The following RAP1GAP2 variants were observed in gnomAD, a reference collection of about 807,000 sequenced individuals.
RAP1GAP2 encodes the protein rap1 GTPase-activating protein 2.
A neutral mutation model predicts 95.0 loss-of-function variants in RAP1GAP2; 27 were observed. The ratio of observed to expected loss-of-function variants is 0.28; its 90% CI spans 0.21 to 0.39. RAP1GAP2 has a LOEUF of 0.39. RAP1GAP2 is among the 10% of genes least tolerant of loss of function. The pLI, the probability that RAP1GAP2 is intolerant of heterozygous loss-of-function variation, is 1.00. For missense variants in RAP1GAP2, 771 were observed against 970.0 expected (o/e 0.79, Z 2.72); for synonymous variants, 373 against 380.9 (o/e 0.98, Z 0.24).
At chr17:3,016,602 A>G (rs898803954) in intron 17 of RAP1GAP2, among the ~76,000 whole-genome samples, 1 of 152,210 alleles carries the variant, frequency 6.6e-6, no homozygotes, top group Non-Finnish European at 1.5e-5. Flanking sequence ...TGTCCTACAC[A>G]TCTCGACTTT....
intron 2 of RAP1GAP2, among the ~76,000 whole-genome samples, chr17:2,836,280 AAAG>A (rs1365619065): frequency 1.3e-5 from 2 of 152,108 alleles, no homozygotes; most frequent in Non-Finnish European, 2.9e-5. Context: ...AGAAAAAAAA[AAAG>A]AAACCAAAAG....
intron 2 of RAP1GAP2, among the ~76,000 whole-genome samples, chr17:2,882,884 G>A (rs1422299348): frequency 6.6e-6 from 1 of 152,212 alleles, no homozygotes; most frequent in Non-Finnish European, 1.5e-5. Flanking sequence ...AGCGGCTAGC[G>A]CTATGCTGGC....
At chr17:2,804,971 A>G (rs532357377) in intron 2 of RAP1GAP2, among the ~76,000 whole-genome samples, 3 of 152,264 alleles carry the variant, frequency 2.0e-5, no homozygotes, top group Admixed American at 2.0e-4. Flanking sequence ...TATTTTTCTC[A>G]GGACCTTGGT....
At chr17:2,901,463 C>A (rs75121262) in intron 2 of RAP1GAP2, among the ~76,000 whole-genome samples, 2,533 of 152,174 alleles carry the variant, frequency 0.017, 65 homozygotes, top group African/African-American at 0.056. Flanking sequence ...TGGGGCCCCG[C>A]GTCGTTAGAG....
chr17:2,803,928 T>C (rs1038032719), intron 2 of RAP1GAP2, among the ~76,000 whole-genome samples: 1 of 152,152 alleles, frequency 6.6e-6, no homozygotes, highest in Non-Finnish European at 1.5e-5. Flanking sequence ...TGCAAAGCTA[T>C]GGTTATTAAG....
intron 2 of RAP1GAP2, among the ~76,000 whole-genome samples, chr17:2,831,888 C>T (rs540542602): frequency 6.6e-6 from 1 of 152,054 alleles, no homozygotes; most frequent in South Asian, 2.1e-4. Flanking sequence ...GAGTGAGACC[C>T]TGTCTCAAAA....
At position 3,018,251 on chromosome 17, in the gene RAP1GAP2, C is replaced by A. The variant is rs969782763; in HGVS notation, c.1632+53C>A. The A allele has an allele frequency of 1.0e-4, 159 of 1,519,342 alleles. No homozygotes were observed. The East Asian group carries it at 1.4e-3, about 14-fold the overall frequency. 94.1% of individuals were successfully genotyped at this position (1,519,342 alleles called of 1,614,324 possible). A position where few individuals can be genotyped will look rare whatever the true frequency, so the allele number is the denominator to read the frequency against. ...AAGTGGGTCCCAGGGAGGCCCCCCC[C>A]AGACCTATGGAGGAAGAGTGCCCCC... On this transcript the variant is annotated intron_variant, in intron 18 of 24. Transcript: ENST00000254695.
chr17:2,929,980 G>T (rs2043090663), intron 3 of RAP1GAP2, among the ~76,000 whole-genome samples: 1 of 152,222 alleles, frequency 6.6e-6, no homozygotes, highest in African/African-American at 2.4e-5. Flanking sequence ...GGAGCCACCT[G>T]CTCACCCTTC....
At chr17:2,795,899 G>C (rs2069065286), upstream of RAP1GAP2, among the ~76,000 whole-genome samples, 1 of 152,198 alleles carries the variant, frequency 6.6e-6, no homozygotes, top group East Asian at 1.9e-4. Flanking sequence ...TGTGTACCTG[G>C]GTATCCTGGG....
intron 3 of RAP1GAP2, among the ~76,000 whole-genome samples, chr17:2,957,517 G>T (rs989468790): frequency 1.3e-5 from 2 of 152,214 alleles, no homozygotes; most frequent in Non-Finnish European, 2.9e-5. Context: ...CTGAGTGTCT[G>T]CTCCCCCAGC....
intron 2 of RAP1GAP2, among the ~76,000 whole-genome samples, chr17:2,897,503 T>G (rs1002685289): frequency 2.0e-5 from 3 of 151,636 alleles, no homozygotes; most frequent in Non-Finnish European, 4.4e-5. Flanking sequence ...CTCTGCCTCC[T>G]GGGATCAAGC....
intron 17 of RAP1GAP2, among the ~76,000 whole-genome samples, chr17:3,016,329 G>C (rs12452840): frequency 0.69 from 104,924 of 152,228 alleles, 36,318 homozygotes; most frequent in Admixed American, 0.7. Context: ...GACTGCCTTA[G>C]GCAGATCATG....
rs562587177 is a variant in RAP1GAP2 at position 2,872,213 on chromosome 17, C to CAAAAA, written c.81-33054_81-33050dup. Among the ~76,000 whole-genome samples the CAAAAA allele has an allele frequency of 1.3e-4, 10 of 75,630 alleles. 3 individuals carry two copies. Among genetic ancestry groups the CAAAAA allele is most frequent in the Non-Finnish European group, 2.4e-4 (10 of 41,258 alleles). 49.6% of individuals were successfully genotyped at this position (75,630 alleles called of 152,430 possible). On this transcript the variant is annotated intron_variant, in intron 2 of 24. Transcript: ENST00000254695. ...TGGATGACAGAATGAGCCTCTGTCT[C>CAAAAA]AAAAAAAAAAAAAAAAAAAAAGGTG...
intron 3 of RAP1GAP2, among the ~76,000 whole-genome samples, chr17:2,934,394 A>T (rs2043243252): frequency 6.6e-6 from 1 of 152,226 alleles, no homozygotes; most frequent in South Asian, 2.1e-4. Flanking sequence ...GGCCTCCCAA[A>T]GTGCTGGGAT....
In RAP1GAP2 at chr17:2,965,963, G is replaced by A. The variant is rs554217621; in HGVS notation, c.596+320G>A. On this transcript the variant is annotated intron_variant, in intron 8 of 24. Coordinates refer to ENST00000254695, the MANE Select transcript of RAP1GAP2 (RefSeq NM_015085.5). The surrounding 1 kb of genome is among the most constrained non-coding windows in gnomAD (Gnocchi z 4.7). ...GGAAGAAAAGTAGGGATGGTTCAGTGTGACTCATCCTGCTGAGACACAGCT... is the reference window on the plus strand; with the variant it reads ...GGAAGAAAAGTAGGGATGGTTCAGTATGACTCATCCTGCTGAGACACAGCT... 2 of 336,320 alleles carry A rather than the reference G, an allele frequency of 5.9e-6. No homozygotes were observed. The highest frequency in any genetic ancestry group is 4.5e-5 in the Admixed American group (1 of 22,336). The allele number at this position is 336,320 out of a possible 1,614,324, so 20.8% of individuals were successfully genotyped here. A position where few individuals can be genotyped will look rare whatever the true frequency, so the allele number is the denominator to read the frequency against.
At chr17:2,843,806 T>C (rs908224692) in intron 2 of RAP1GAP2, among the ~76,000 whole-genome samples, 1 of 152,086 alleles carries the variant, frequency 6.6e-6, no homozygotes, top group Admixed American at 6.6e-5. Context: ...GGGCAACATC[T>C]TTCCCCCTGT....
At chr17:2,820,171 C>T (rs1368254779) in intron 2 of RAP1GAP2, among the ~76,000 whole-genome samples, 3 of 152,124 alleles carry the variant, frequency 2.0e-5, no homozygotes, top group African/African-American at 7.2e-5. Flanking sequence ...TTGCTGGACA[C>T]CTAGGTCGTT....
Position 2,942,462 on chromosome 17 carries a change from A to G in RAP1GAP2, c.166-15297A>G, listed in dbSNP as rs551371121. 1.5e-4 allele frequency among the ~76,000 whole-genome samples: 23 copies of G among 152,282 alleles called. No homozygotes were observed. The South Asian group carries it at 4.4e-3, about 29-fold the overall frequency. ...AGATTTTTAAAATTTTGTGTCATCC[A>G]TGTACAAAAATTGGGAGACTCACAC... On this transcript the variant is annotated intron_variant, in intron 3 of 24. Coordinates refer to ENST00000254695, the MANE Select transcript of RAP1GAP2 (RefSeq NM_015085.5).
chr17:2,853,671 G>C lies in RAP1GAP2; in HGVS notation c.81-51613G>C, dbSNP rs538046874. Among the ~76,000 whole-genome samples the C allele has an allele frequency of 2.5e-3, 374 of 148,106 alleles. 1 individual carries two copies. Among genetic ancestry groups the C allele is most frequent in the Middle Eastern group, 0.01 (3 of 292 alleles). On this transcript the variant is annotated intron_variant, in intron 2 of 24. Coordinates refer to ENST00000254695, the MANE Select transcript of RAP1GAP2 (RefSeq NM_015085.5). ...GCCGGGGCGCGGGAGGCGGGGCCGG[G>C]GCGGGTCCCGGCGCGGGCGGCGCGT...
Sources: allele counts gnomAD v4.1 joint callset (sites outside exome capture counted in the v4.1 genomes callset), GRCh38; gene constraint gnomAD v4.1.1; non-coding constraint Gnocchi (gnomAD v3.1); transcripts MANE v1.5; gene names NCBI Gene and HGNC (gene_info 2026-07-23, HGNC 2026-07-21).